The following TRPC1 variants were observed in gnomAD, a reference collection of about 807,000 sequenced individuals.
The protein encoded by TRPC1 is short transient receptor potential channel 1.
In TRPC1, 42 loss-of-function variants were observed where a neutral mutation model predicts 88.2. The observed-to-expected ratio is 0.48, with a 90% confidence interval of 0.37 to 0.62. The LOEUF (loss-of-function observed/expected upper bound fraction) is 0.62, where lower values mean the gene tolerates loss of function less well. Ranked by LOEUF, TRPC1 falls within the 20% of genes least tolerant of loss-of-function variation. TRPC1 has a pLI of 0.00. For synonymous variants in TRPC1, 288 were observed against 331.8 expected (o/e 0.87, Z 1.43); for missense variants, 699 against 957.3 (o/e 0.73, Z 3.56).
At chr3:142,740,346 G>T (rs1413464124) in intron 2 of TRPC1, among the ~76,000 whole-genome samples, 1 of 152,314 alleles carries the variant, frequency 6.6e-6, no homozygotes, top group South Asian at 2.1e-4. Context: ...TGTGAATTCT[G>T]GTTTTATCCT....
In TRPC1 at chr3:142,802,261, GTA is replaced by G; in HGVS notation, c.1676_1677del (p.Tyr559Ter). ...FSFTIGLTQL[Y>X]DKGYTSKEQK... ...CTTTCACAATTGGACTGACACAACT[GTA>G]TGATAAAGGATATACTTCAAAGGAG... On this transcript the variant is annotated frameshift_variant, in exon 10 of 13. Transcript: ENST00000476941. LOFTEE classifies it high-confidence loss of function. 6.2e-7 allele frequency: 1 copy of G among 1,600,360 alleles called. No individual in the cohort carries two copies. Among genetic ancestry groups the G allele is most frequent in the Non-Finnish European group, 8.5e-7 (1 of 1,174,422 alleles).
intron 3 of TRPC1, among the ~76,000 whole-genome samples, chr3:142,746,426 T>C (rs949211487): frequency 6.6e-5 from 10 of 152,174 alleles, no homozygotes; most frequent in Admixed American, 3.9e-4. Context: ...TTCTTCTTTA[T>C]AACCAGTAAT....
intron 4 of TRPC1, among the ~76,000 whole-genome samples, chr3:142,753,275 G>C (rs531214389): frequency 2.6e-5 from 4 of 152,128 alleles, no homozygotes; most frequent in Non-Finnish European, 5.9e-5. Context: ...AAATTGAAAG[G>C]TATTTTAGGC....
chr3:142,741,709 G>A (rs1934356464), intron 2 of TRPC1, among the ~76,000 whole-genome samples: 1 of 152,164 alleles, frequency 6.6e-6, no homozygotes, highest in Admixed American at 6.5e-5. Context: ...CAGAATGCTT[G>A]GGTCTGTTTC....
chr3:142,801,579 C>T (rs1352467837), intron 9 of TRPC1, among the ~76,000 whole-genome samples: 1 of 152,096 alleles, frequency 6.6e-6, no homozygotes, highest in Non-Finnish European at 1.5e-5. Flanking sequence ...ACAAAAGATA[C>T]TCACTACTAA....
intron 10 of TRPC1, among the ~76,000 whole-genome samples, 182 bp from the exon 11 acceptor site, chr3:142,803,795 G>A (rs181723611): frequency 9.2e-5 from 14 of 152,242 alleles, no homozygotes; most frequent in Admixed American, 3.3e-4. Context: ...TCTTCCTTAG[G>A]GTCTCTTTGT....
At chr3:142,747,698 C>T (rs989675433) in intron 3 of TRPC1, among the ~76,000 whole-genome samples, 3 of 152,082 alleles carry the variant, frequency 2.0e-5, no homozygotes, top group Admixed American at 6.6e-5. Flanking sequence ...AATTTTTTGG[C>T]GTTTATAGTA....
intron 4 of TRPC1, among the ~76,000 whole-genome samples, chr3:142,758,677 T>A (rs1194825578): frequency 1.3e-5 from 2 of 152,096 alleles, no homozygotes; most frequent in Non-Finnish European, 2.9e-5. Context: ...GTACTTTTTT[T>A]TTCTTTTTTT....
rs185133466 is a variant in TRPC1, at chr3:142,732,254, C to T, written c.173-4125C>T. Among the ~76,000 whole-genome samples, 7 of 152,218 alleles carry T rather than the reference C, an allele frequency of 4.6e-5. No homozygotes were observed. In the South Asian group the frequency reaches 1.2e-3, roughly 27 times the overall value. ...TGCTAAAGGCACTTAAGGAGTTAGG[C>T]TCCTACCCTCCCTGGAGGCTGAGAG... On this transcript the variant is annotated intron_variant, in intron 1 of 12. Coordinates refer to ENST00000476941, the MANE Select transcript of TRPC1 (RefSeq NM_001251845.2).
chr3:142,750,730 C>T (rs1934732070), intron 4 of TRPC1, among the ~76,000 whole-genome samples: 1 of 152,104 alleles, frequency 6.6e-6, no homozygotes, highest in Non-Finnish European at 1.5e-5. Flanking sequence ...GAATACTATG[C>T]AGCCATAAAA....
intron 1 of TRPC1, among the ~76,000 whole-genome samples, chr3:142,734,156 A>C (rs906844284): frequency 6.6e-6 from 1 of 152,242 alleles, no homozygotes; most frequent in Admixed American, 6.5e-5. Context: ...TTAAGAATAC[A>C]TAACCATGGT....
At chr3:142,769,498 TTTC>T (rs1935504011) in intron 4 of TRPC1, among the ~76,000 whole-genome samples, 1 of 152,144 alleles carries the variant, frequency 6.6e-6, no homozygotes, top group South Asian at 2.1e-4. Context: ...TGGCCTCTTC[TTTC>T]TTAATATAGG....
At chr3:142,736,595 C>T in intron 2 of TRPC1, 62 bp downstream of exon 2, 1 of 1,349,970 alleles carries the variant, frequency 7.4e-7, no homozygotes, top group South Asian at 1.9e-5. Flanking sequence ...GCCATGCTTT[C>T]TTCCCTTCTT....
chr3:142,789,516 A>G (rs1325539915), intron 7 of TRPC1, among the ~76,000 whole-genome samples: 1 of 152,220 alleles, frequency 6.6e-6, no homozygotes, highest in Admixed American at 6.5e-5. Flanking sequence ...TGTTTTGAAC[A>G]GAGATCTTCA....
At chr3:142,752,435 A>G (rs889716297) in intron 4 of TRPC1, among the ~76,000 whole-genome samples, 15 of 152,248 alleles carry the variant, frequency 9.9e-5, no homozygotes, top group Non-Finnish European at 1.9e-4. Context: ...ACAAGGCAAT[A>G]TTACTGCAAA....
chr3:142,758,231 T>A (rs909413456), intron 4 of TRPC1, among the ~76,000 whole-genome samples: 1 of 152,226 alleles, frequency 6.6e-6, no homozygotes, highest in Admixed American at 6.5e-5. Flanking sequence ...ATAGTGGCTA[T>A]AATTATTTAC....
At position 142,806,303 on chromosome 3, in the gene TRPC1, C is replaced by A; in HGVS notation, c.*68C>A. On this transcript the variant is annotated 3_prime_UTR_variant, in exon 13 of 13. Transcript: ENST00000476941. ...CCAAAAGACTATATTGCATAACTTG[C>A]AATGAAATTAATGAGATATATATTG... 8.3e-7 allele frequency: 1 copy of A among 1,202,720 alleles called. No individual in the cohort carries two copies. The highest frequency in any genetic ancestry group is 1.2e-6 in the Non-Finnish European group (1 of 858,118). 74.5% of individuals were successfully genotyped at this position (1,202,720 alleles called of 1,614,324 possible).
intron 4 of TRPC1, 67 bp from the exon 5 acceptor site, chr3:142,777,565 A>G (rs1399519523): frequency 1.9e-5 from 20 of 1,068,006 alleles, no homozygotes; most frequent in Non-Finnish European, 2.3e-5. Context: ...TATGAAAATT[A>G]TAGATTAAAA....
chr3:142,733,613 T>C (rs1934016939), intron 1 of TRPC1, among the ~76,000 whole-genome samples: 1 of 152,250 alleles, frequency 6.6e-6, no homozygotes, highest in African/African-American at 2.4e-5. Context: ...GCAGTTATTT[T>C]TGTCTATTTG....
Sources: gnomAD v4.1 joint callset for allele counts (sites outside exome capture counted in the v4.1 genomes callset) on GRCh38, gnomAD v4.1.1 for gene constraint, MANE v1.5 for transcripts, NCBI Gene and HGNC (gene_info 2026-07-23, HGNC 2026-07-21) for gene names.